The following EPB41L2 variants were observed in gnomAD, a reference collection of about 807,000 sequenced individuals.
EPB41L2 encodes band 4.1-like protein 2.
Under a neutral mutation model 113.0 loss-of-function variants are expected in EPB41L2, and 43 were observed. The observed-to-expected ratio is 0.38, with a 90% CI of 0.30 to 0.49. The LOEUF is 0.49. EPB41L2 is among the 20% of genes least tolerant of loss of function. The pLI is 0.95. For missense variants in EPB41L2, 1,147 were observed against 1,223.4 expected, an observed-to-expected ratio of 0.94 and a Z score of 0.93; for synonymous variants, 442 against 436.7, an observed-to-expected ratio of 1.01 and a Z score of -0.15.
In EPB41L2 at chr6:131,016,573, C is replaced by T. The variant is rs191709634; in HGVS notation, c.-15+46582G>A. Among the ~76,000 whole-genome samples, 17 of 151,856 alleles carry T rather than the reference C, an allele frequency of 1.1e-4. No individual in the cohort carries two copies. The East Asian group carries it at 3.1e-3, about 28-fold the overall frequency. On this transcript the variant is annotated intron_variant, in intron 1 of 19. Coordinates refer to ENST00000337057, the MANE Select transcript of EPB41L2 (RefSeq NM_001431.4). ...TACCAAAATGAATGGGAAAAACTCACAGCCCTTAACAAACCAACATAATAA... is the reference window on the plus strand; with the variant it reads ...TACCAAAATGAATGGGAAAAACTCATAGCCCTTAACAAACCAACATAATAA...
intron 1 of EPB41L2, among the ~76,000 whole-genome samples, chr6:130,957,738 T>C (rs534352616): frequency 2.5e-4 from 38 of 152,288 alleles, no homozygotes; most frequent in Admixed American, 8.5e-4. Context: ...TCATGTACCA[T>C]AAATTTCACC....
In EPB41L2 at chr6:130,969,928, A is replaced by G. The variant is rs569921429; in HGVS notation, c.-14-13429T>C. ...CATATAAAAGAAACCAACTAGCTTC[A>G]TTATTCTCATAGGTCAAACCTGAAA... is the stretch of plus-strand genomic sequence containing the variant. On this transcript the variant is annotated intron_variant, in intron 1 of 19. Transcript: ENST00000337057. 8.1e-4 allele frequency among the ~76,000 whole-genome samples: 124 copies of G among 152,350 alleles called. 1 individual carries two copies. Among genetic ancestry groups the G allele is most frequent in the South Asian group, 1.7e-3 (8 of 4,830 alleles).
At chr6:130,944,859 T>C (rs1193854140) in intron 3 of EPB41L2, among the ~76,000 whole-genome samples, 1 of 152,176 alleles carries the variant, frequency 6.6e-6, no homozygotes, top group Non-Finnish European at 1.5e-5. Context: ...GACTTGATTA[T>C]GAGGCCAGGC....
intron 1 of EPB41L2, among the ~76,000 whole-genome samples, chr6:131,002,082 G>A (rs1378759073): frequency 6.6e-6 from 1 of 152,158 alleles, no homozygotes; most frequent in East Asian, 1.9e-4. Context: ...GCAAATAAAG[G>A]TGAGTCTGAA....
chr6:131,035,190 G>GCTGTCCATATCATTCCAAA (rs1793043807), intron 1 of EPB41L2, among the ~76,000 whole-genome samples: 1 of 152,184 alleles, frequency 6.6e-6, no homozygotes, highest in African/African-American at 2.4e-5. Context: ...GACAGTTTCA[G>GCTGTCCATATCATTCCAAA]GACTACTTAA....
intron 1 of EPB41L2, among the ~76,000 whole-genome samples, chr6:131,054,159 CCA>C (rs1051247344): frequency 5.9e-5 from 9 of 152,206 alleles, no homozygotes; most frequent in African/African-American, 2.2e-4. Flanking sequence ...ATGGATCTCT[CCA>C]GTCTTCCATT....
intron 14 of EPB41L2, among the ~76,000 whole-genome samples, chr6:130,872,963 C>G (rs1234913674): frequency 6.6e-6 from 1 of 152,158 alleles, no homozygotes; most frequent in African/African-American, 2.4e-5. Flanking sequence ...CCCTTCTTTG[C>G]CCTTATCTGC....
chr6:130,884,439 G>C (rs550652988), intron 12 of EPB41L2, among the ~76,000 whole-genome samples: 7 of 152,154 alleles, frequency 4.6e-5, no homozygotes, highest in Non-Finnish European at 8.8e-5. Flanking sequence ...AAAAAAAGTC[G>C]CTTTGTGCAG....
intron 1 of EPB41L2, among the ~76,000 whole-genome samples, chr6:131,045,093 C>G (rs1407118931): frequency 1.3e-5 from 2 of 152,194 alleles, no homozygotes; most frequent in Non-Finnish European, 2.9e-5. Context: ...AAGTTGCCCC[C>G]CAGTAAGTTT....
chr6:130,860,045 G>T (rs535176962), intron 18 of EPB41L2, among the ~76,000 whole-genome samples: 37 of 152,330 alleles, frequency 2.4e-4, no homozygotes, highest in Non-Finnish European at 1.0e-4. Flanking sequence ...AATGGGAATA[G>T]GAAAGGGAGA....
At chr6:130,960,935 A>C (rs1305069034) in intron 1 of EPB41L2, among the ~76,000 whole-genome samples, 4 of 152,180 alleles carry the variant, frequency 2.6e-5, no homozygotes, top group Non-Finnish European at 5.9e-5. Context: ...CCCAGCATCT[A>C]GACTGGCACA....
intron 15 of EPB41L2, chr6:130,867,937 G>C (rs1582863622): frequency 3.4e-5 from 6 of 176,182 alleles, no homozygotes; most frequent in South Asian, 1.7e-4. Context: ...AGTGTATAGT[G>C]ACACACACAC....
intron 4 of EPB41L2, 23 bp from the exon 5 acceptor site, chr6:130,908,886 T>A (rs748496646): frequency 6.4e-7 from 1 of 1,567,040 alleles, no homozygotes; most frequent in Non-Finnish European, 8.7e-7. Context: ...AAAAAATTAA[T>A]TCATAAGAAA....
chr6:130,857,549 C>CTTT (rs10557309), intron 19 of EPB41L2, among the ~76,000 whole-genome samples: 1 of 72,844 alleles, frequency 1.4e-5, no homozygotes, highest in African/African-American at 5.8e-5. Flanking sequence ...TCAGATGTAT[C>CTTT]TTTTTTTTTT....
chr6:130,869,992 C>T lies in EPB41L2; in HGVS notation c.2178G>A (p.Val726=). 1 of 1,613,840 alleles carries T rather than the reference C, an allele frequency of 6.2e-7. No individual in the cohort carries two copies. The highest frequency in any genetic ancestry group is 1.3e-5 in the African/African-American group (1 of 74,978). The change falls in exon 15 of 20, where the codon GTG becomes GTA. Residue 726 remains valine (V), a synonymous_variant. Coordinates refer to ENST00000337057, the MANE Select transcript of EPB41L2 (RefSeq NM_001431.4). The part of the protein sequence containing the change: ...PGSGPGEIRK[V]EPVTQKDSTS... Reference sequence around the variant, plus strand: ...TGGAGTCTTTTTGTGTCACAGGCTCCACCTTACGAATCTCCCCAGGACCAC... The same window carrying T: ...TGGAGTCTTTTTGTGTCACAGGCTCTACCTTACGAATCTCCCCAGGACCAC...
chr6:130,957,549 A>C (rs1817846231), intron 1 of EPB41L2, among the ~76,000 whole-genome samples: 2 of 152,094 alleles, frequency 1.3e-5, no homozygotes, highest in South Asian at 2.1e-4. Context: ...AGTCACAGCT[A>C]CTTGGGAGTC....
intron 1 of EPB41L2, among the ~76,000 whole-genome samples, chr6:130,999,419 C>T (rs1783851730): frequency 6.6e-6 from 1 of 152,200 alleles, no homozygotes; most frequent in Non-Finnish European, 1.5e-5. Context: ...TCTTACTTTT[C>T]TATTATCCAA....
chr6:130,938,007 G>A (rs1435749320), intron 3 of EPB41L2, among the ~76,000 whole-genome samples: 1 of 152,148 alleles, frequency 6.6e-6, no homozygotes, highest in East Asian at 1.9e-4. Context: ...TATTAGCCAG[G>A]AGTGCTTATT....
chr6:131,029,574 C>T lies in EPB41L2; in HGVS notation c.-15+33581G>A, dbSNP rs114082064. On this transcript the variant is annotated intron_variant, in intron 1 of 19. Transcript: ENST00000337057. ...ATTCAACATTAGAACTATCACAGCT[C>T]TATTTTTAAACTGCCAAATTAATTC... 1.6e-3 allele frequency among the ~76,000 whole-genome samples: 247 copies of T among 152,230 alleles called. 2 individuals carry two copies. Among genetic ancestry groups the T allele is most frequent in the African/African-American group, 5.6e-3 (231 of 41,538 alleles).
Sources: allele counts gnomAD v4.1 joint callset (sites outside exome capture counted in the v4.1 genomes callset), GRCh38; gene constraint gnomAD v4.1.1; transcripts MANE v1.5; gene names NCBI Gene and HGNC (gene_info 2026-07-23, HGNC 2026-07-21).